LONRF3: variants seen among roughly 807,000 people sequenced by gnomAD.
LONRF3 encodes the protein LON peptidase N-terminal domain and RING finger protein 3.
In LONRF3, 19 loss-of-function variants were observed where a neutral mutation model predicts 51.7. The observed-to-expected ratio is 0.37, with a 90% CI of 0.26 to 0.54. LONRF3 has a LOEUF of 0.54. Among genes scored for constraint, LONRF3 ranks in the 20% least tolerant of loss-of-function variants. LONRF3 has a pLI of 0.86. For synonymous variants in LONRF3, 265 were observed against 257.8 expected, an observed-to-expected ratio of 1.03 and a Z score of -0.27; for missense variants, 521 against 623.9, an observed-to-expected ratio of 0.84 and a Z score of 1.76.
intron 7 of LONRF3, among the ~76,000 whole-genome samples, chrX:119,010,499 T>C (rs1925027673): frequency 9.0e-6 from 1 of 111,321 alleles, no homozygotes; most frequent in African/African-American, 3.3e-5. Context: ...TTTTTTCTCA[T>C]TAATTTACAT....
rs1925298852 is a variant in LONRF3, at chrX:119,014,312, C to G, written c.2080C>G (p.Leu694Val). 3.3e-6 allele frequency: 4 copies of G among 1,210,852 alleles called. No homozygotes were observed. The highest frequency in any genetic ancestry group is 4.5e-6 in the Non-Finnish European group (4 of 894,866). The part of the protein sequence containing the change: ...SLKLSLKNRI[L>V]NHFGPMPEKD... The stretch of plus-strand genomic sequence containing the variant: ...CAAATTATCCCTAAAGAATCGGATA[C>G]TCAATCACTTTGGTCCCATGCCGGA... The change falls in exon 10 of 11, where the codon CTC becomes GTC. Residue 694 changes from leucine to valine, a missense_variant. Leu to Val is a conservative substitution (Grantham distance 32, BLOSUM62 1). Coordinates refer to ENST00000371628, the MANE Select transcript of LONRF3 (RefSeq NM_001031855.3).
At chrX:118,975,725 T>TGG in intron 1 of LONRF3, 128 bp downstream of exon 1, 2 of 40,042 alleles carry the variant, frequency 5.0e-5, no homozygotes, top group Non-Finnish European at 9.5e-5. Context: ...CCATGGACTG[T>TGG]GGCGGGGTGG....
At chrX:119,001,266 C>T (rs1056397134) in intron 5 of LONRF3, among the ~76,000 whole-genome samples, 5 of 111,404 alleles carry the variant, frequency 4.5e-5, no homozygotes, top group Non-Finnish European at 1.9e-5. Flanking sequence ...TGTGCATCTA[C>T]ATGTAGATGG....
intron 10 of LONRF3, among the ~76,000 whole-genome samples, chrX:119,016,353 T>TC (rs1555987374): frequency 3.3e-4 from 32 of 97,814 alleles, no homozygotes; most frequent in African/African-American, 7.7e-4. Context: ...TTTCTTTCTT[T>TC]TTTTTTTTTT....
intron 2 of LONRF3, among the ~76,000 whole-genome samples, chrX:118,982,443 C>T (rs1922635245): frequency 9.0e-6 from 1 of 111,441 alleles, no homozygotes; most frequent in East Asian, 2.8e-4. Flanking sequence ...CCTGGGCAGG[C>T]CCTGAAAGCT....
chrX:119,002,265 A>G (rs1423217610), intron 5 of LONRF3, among the ~76,000 whole-genome samples: 1 of 111,597 alleles, frequency 9.0e-6, no homozygotes, highest in African/African-American at 3.3e-5. Context: ...CCCTACCCCA[A>G]CCACTATCTT....
In LONRF3 at chrX:118,979,101, C is replaced by T. The variant is rs184787370; in HGVS notation, c.936+638C>T. Among the ~76,000 whole-genome samples the T allele has an allele frequency of 1.7e-3, 178 of 101,844 alleles. 2 individuals are homozygous for T. The highest frequency in any genetic ancestry group is 5.7e-3 in the African/African-American group (156 of 27,508). The allele number at this position is 101,844 out of a possible 115,157, so 88.4% of individuals were successfully genotyped here. On this transcript the variant is annotated intron_variant, in intron 2 of 10. Transcript: ENST00000371628. ...CTGCAACCTCCGCCTCCTGGGTTCA[C>T]GCCATTCTCCTGCCTCAGCCTCCTG...
rs1921865854 is a variant in LONRF3, at chrX:118,974,950, A to G, written c.170A>G (p.Glu57Gly). The change falls in exon 1 of 11, where the codon GAG (glutamate) becomes GGG (glycine). Residue 57 changes from glutamate to glycine, a missense_variant. Glu to Gly is a moderately conservative substitution (Grantham distance 98). Coordinates refer to ENST00000371628, the MANE Select transcript of LONRF3 (RefSeq NM_001031855.3). Reference sequence around the variant, plus strand: ...CTACCGACGCGGGAGCCAGAGCAAGAGCAGTCTCCGGGGACCTCAACGCCG... The same window carrying G: ...CTACCGACGCGGGAGCCAGAGCAAGGGCAGTCTCCGGGGACCTCAACGCCG... Reference protein sequence around the residue: ...APLPTREPEQEQSPGTSTPES... With the variant: ...APLPTREPEQGQSPGTSTPES... 1 of 1,179,135 alleles carries G rather than the reference A, an allele frequency of 8.5e-7. No individual in the cohort carries two copies. Among genetic ancestry groups the G allele is most frequent in the South Asian group, 1.9e-5 (1 of 53,300 alleles).
At chrX:119,016,330 ATTTC>A (rs199994110) in intron 10 of LONRF3, among the ~76,000 whole-genome samples, 10 of 92,788 alleles carry the variant, frequency 1.1e-4, no homozygotes, top group Non-Finnish European at 1.9e-4. Flanking sequence ...GGCAGAATAT[ATTTC>A]TTTCTTTCTT....
chrX:118,980,916 TC>T (rs1205276467), intron 2 of LONRF3, among the ~76,000 whole-genome samples: 1 of 111,800 alleles, frequency 8.9e-6, no homozygotes, highest in Middle Eastern at 4.2e-3. Context: ...GAGTTTCATT[TC>T]CCCATAGTGA....
intron 3 of LONRF3, among the ~76,000 whole-genome samples, chrX:118,983,953 A>G (rs924784722): frequency 8.0e-5 from 9 of 112,325 alleles, no homozygotes; most frequent in Admixed American, 3.8e-4. Context: ...GGTGTGCTTG[A>G]GAGGAGCACG....
intron 5 of LONRF3, among the ~76,000 whole-genome samples, chrX:119,003,835 G>T (rs1200589423): frequency 8.9e-6 from 1 of 112,254 alleles, no homozygotes; most frequent in Non-Finnish European, 1.9e-5. Flanking sequence ...GGTGTTTGTA[G>T]CTTTTTCCAA....
intron 5 of LONRF3, among the ~76,000 whole-genome samples, chrX:118,996,105 G>A (rs12853640): frequency 0.032 from 3,621 of 112,090 alleles, 118 homozygotes; most frequent in African/African-American, 0.11. Flanking sequence ...ATCATAAAGC[G>A]ATGCTGGATT....
In LONRF3 at chrX:119,011,807, T is replaced by A. The variant is rs183160176; in HGVS notation, c.1653-8T>A. 8.2e-5 allele frequency: 99 copies of A among 1,207,821 alleles called. No homozygotes were observed. Among genetic ancestry groups the A allele is most frequent in the Non-Finnish European group, 6.7e-6 (6 of 893,337 alleles). On this transcript the variant is annotated splice_region_variant and splice_polypyrimidine_tract_variant and intron_variant, in intron 7 of 10. Transcript: ENST00000371628. ...TTTGAGATCCCTGTCATTTTCTCTT[T>A]CTGACAGCCTTAATAAGAATGTGCC...
Position 119,017,555 on chromosome X carries a change from C to T in LONRF3, c.2145C>T (p.Ala715=), listed in dbSNP as rs1925543574. The change falls in exon 11 of 11, where the codon GCC becomes GCT. Residue 715 remains alanine, a synonymous_variant. Transcript: ENST00000371628. ...ADPQMNPNGP[A]WCWWMLAVLP... ...TGCAGATGAACCCGAATGGCCCAGCCTGGTGCTGGTGGATGTTAGCAGTTC... is the reference window on the plus strand; with the variant it reads ...TGCAGATGAACCCGAATGGCCCAGCTTGGTGCTGGTGGATGTTAGCAGTTC... 3 of 1,210,277 alleles carry T rather than the reference C, an allele frequency of 2.5e-6. No homozygotes were observed. Among genetic ancestry groups the T allele is most frequent in the East Asian group, 5.9e-5 (2 of 33,780 alleles).
chrX:118,990,342 A>G lies in LONRF3; in HGVS notation c.1325-128A>G. 3 of 524,330 alleles carry G rather than the reference A, an allele frequency of 5.7e-6. No individual in the cohort carries two copies. The South Asian group carries it at 8.5e-5, about 15-fold the overall frequency. 43.2% of individuals were successfully genotyped at this position (524,330 alleles called of 1,213,427 possible). The stretch of plus-strand genomic sequence containing the variant: ...TTCTCAACGGCTCAGGTGTCCACTA[A>G]ATCAACTCTCTGGGAGGTGGTGGTG... On this transcript the variant is annotated intron_variant, in intron 4 of 10. Transcript: ENST00000371628.
Position 118,975,408 on chromosome X carries a change from C to T in LONRF3, c.628C>T (p.Arg210Cys), listed in dbSNP as rs750778172. The change falls in exon 1 of 11, where the codon CGT (arginine) becomes TGT (cysteine). Residue 210 changes from arginine (R) to cysteine (C), a missense_variant. Arg to Cys is a radical substitution (Grantham distance 180). Around this residue, in one of 2 missense-constraint regions of LONRF3, gnomAD observed 376 missense variants for 376.7 expected, o/e 1.00. Coordinates refer to ENST00000371628, the MANE Select transcript of LONRF3 (RefSeq NM_001031855.3). ...CTTGATGGTGGCCACTGGGCGGGCGCGTGGAGCCCGGCGGGCTGGGCAGCA... is the reference window on the plus strand; with the variant it reads ...CTTGATGGTGGCCACTGGGCGGGCGTGTGGAGCCCGGCGGGCTGGGCAGCA... ...SALMVATGRA[R>C]GARRAGQQPP... The T allele has an allele frequency of 1.7e-6, 2 of 1,197,807 alleles. No homozygotes were observed. The highest frequency in any genetic ancestry group is 3.6e-5 in the South Asian group (2 of 55,493).
At chrX:118,979,649 G>A (rs1922404086) in intron 2 of LONRF3, among the ~76,000 whole-genome samples, 1 of 111,870 alleles carries the variant, frequency 8.9e-6, no homozygotes, top group African/African-American at 3.3e-5. Context: ...AAAGAGGAAG[G>A]TGAGAGTGGT....
In LONRF3 at chrX:119,017,741, G is replaced by T. The variant is rs1925557838; in HGVS notation, c.*51G>T. On this transcript the variant is annotated 3_prime_UTR_variant, in exon 11 of 11. Coordinates refer to ENST00000371628, the MANE Select transcript of LONRF3 (RefSeq NM_001031855.3). ...CCACCTTCCCCACTGCCGTCGGGGG[G>T]AGTCTTCTTGTAAATATATCTAATT... 1.9e-6 allele frequency: 2 copies of T among 1,066,403 alleles called. No individual in the cohort carries two copies. Among genetic ancestry groups the T allele is most frequent in the Non-Finnish European group, 2.5e-6 (2 of 797,951 alleles). The allele number at this position is 1,066,403 out of a possible 1,213,427, so 87.9% of individuals were successfully genotyped here.
Sources: allele counts gnomAD v4.1 joint callset (sites outside exome capture counted in the v4.1 genomes callset), GRCh38; gene constraint gnomAD v4.1.1; regional missense constraint gnomAD v4.1.1; transcripts MANE v1.5; gene names NCBI Gene and HGNC (gene_info 2026-07-23, HGNC 2026-07-21).